The following CRY1 variants were observed in gnomAD, a reference collection of about 807,000 sequenced individuals.
The protein encoded by CRY1 is cryptochrome circadian regulator 1.
Under a neutral mutation model 76.0 loss-of-function variants are expected in CRY1, and 45 were observed. The ratio of observed to expected loss-of-function variants is 0.59; its 90% confidence interval spans 0.47 to 0.76. The LOEUF (loss-of-function observed/expected upper bound fraction) is 0.76, where lower values mean the gene tolerates loss of function less well. CRY1 is among the 30% of genes least tolerant of loss of function. The pLI, the probability that CRY1 is intolerant of heterozygous loss-of-function variation, is 0.00. For missense variants in CRY1, 587 were observed against 716.4 expected (o/e 0.82, Z 2.06); for synonymous variants, 248 against 244.0 (o/e 1.02, Z -0.15).
chr12:107,004,896 T>C (rs1163358608), intron 3 of CRY1, among the ~76,000 whole-genome samples: 4 of 152,208 alleles, frequency 2.6e-5, no homozygotes, highest in African/African-American at 4.8e-5. Context: ...ATTGGGTCAA[T>C]AGCAGCTAAA....
At chr12:106,994,289 T>C (rs1952210304) in intron 10 of CRY1, among the ~76,000 whole-genome samples, 1 of 152,200 alleles carries the variant, frequency 6.6e-6, no homozygotes. Context: ...AGGTCTAAAA[T>C]GTTTTTTTCC....
chr12:107,073,399 T>C (rs1362877985), intron 1 of CRY1, among the ~76,000 whole-genome samples: 1 of 152,044 alleles, frequency 6.6e-6, no homozygotes, highest in Non-Finnish European at 1.5e-5. Context: ...GTGCCTGGCC[T>C]AAAATATACT....
At chr12:107,068,238 T>C (rs1391428595) in intron 1 of CRY1, among the ~76,000 whole-genome samples, 8 of 152,320 alleles carry the variant, frequency 5.3e-5, no homozygotes, top group East Asian at 3.9e-4. Context: ...ATCTCTGATA[T>C]ATAGGGAAAC....
At chr12:107,086,462 A>G (rs1233323746) in intron 1 of CRY1, among the ~76,000 whole-genome samples, 2 of 152,172 alleles carry the variant, frequency 1.3e-5, no homozygotes, top group Non-Finnish European at 2.9e-5. Context: ...CATTCCAGAA[A>G]TCAAGGCTAC....
chr12:107,076,675 A>T (rs1194487775), intron 1 of CRY1, among the ~76,000 whole-genome samples: 1 of 151,944 alleles, frequency 6.6e-6, no homozygotes, highest in Non-Finnish European at 1.5e-5. Context: ...ATGTATCTTC[A>T]AGAAGCTGAT....
chr12:107,040,786 G>A (rs1952790003), intron 1 of CRY1, among the ~76,000 whole-genome samples: 2 of 152,042 alleles, frequency 1.3e-5, no homozygotes, highest in Non-Finnish European at 2.9e-5. Context: ...GTGATATTCT[G>A]TAACAAAAAA....
intron 3 of CRY1, among the ~76,000 whole-genome samples, chr12:107,004,106 A>G (rs942746954): frequency 6.6e-6 from 1 of 152,094 alleles, no homozygotes; most frequent in African/African-American, 2.4e-5. Context: ...CGCCTAGCCT[A>G]AACAATTTTA....
At chr12:107,030,939 G>T (rs1439812593) in intron 1 of CRY1, among the ~76,000 whole-genome samples, 2 of 152,044 alleles carry the variant, frequency 1.3e-5, no homozygotes, top group East Asian at 3.9e-4. Context: ...GGGGTTGGGG[G>T]TACCTGGGGA....
At chr12:107,079,820 T>TTACACAAGGATTTGAAAAA (rs1953301600) in intron 1 of CRY1, among the ~76,000 whole-genome samples, 1 of 152,156 alleles carries the variant, frequency 6.6e-6, no homozygotes, top group Non-Finnish European at 1.5e-5. Context: ...TTTGAAACCA[T>TTACACAAGGATTTGAAAAA]GCTATGGCTT....
chr12:107,032,354 T>C (rs1952686488), intron 1 of CRY1, among the ~76,000 whole-genome samples: 3 of 152,176 alleles, frequency 2.0e-5, no homozygotes, highest in South Asian at 4.1e-4. Flanking sequence ...TTTCTACAAA[T>C]CTAAAATTAT....
rs371893103 is a variant in CRY1 at position 107,077,125 on chromosome 12, A to G, written c.158+15679T>C. Among the ~76,000 whole-genome samples, 22 of 152,026 alleles carry G rather than the reference A, an allele frequency of 1.4e-4. No individual in the cohort carries two copies. The South Asian group carries it at 4.2e-3, about 29-fold the overall frequency. ...CTAGAATTCCTCCTCTCTCAGTCTC[A>G]TATCTCACACCCAGCACTCCCCAAC... On this transcript the variant is annotated intron_variant, in intron 1 of 12. Transcript: ENST00000008527.
chr12:107,024,983 T>C (rs996856424), intron 1 of CRY1, among the ~76,000 whole-genome samples: 4 of 152,208 alleles, frequency 2.6e-5, no homozygotes, highest in African/African-American at 9.6e-5. Context: ...AAGGCTAAAG[T>C]AGAACACACT....
At chr12:107,070,689 T>C (rs1295256879) in intron 1 of CRY1, among the ~76,000 whole-genome samples, 1 of 148,474 alleles carries the variant, frequency 6.7e-6, no homozygotes, top group Non-Finnish European at 1.5e-5. Flanking sequence ...TTTATTTATT[T>C]ATTTATTTAT....
chr12:107,038,535 T>C (rs1267690814), intron 1 of CRY1, among the ~76,000 whole-genome samples: 3 of 152,012 alleles, frequency 2.0e-5, no homozygotes, highest in Non-Finnish European at 2.9e-5. Flanking sequence ...GAAGCAAAGA[T>C]AGAAGACAGA....
In CRY1 at chr12:107,001,306, G is replaced by A. The variant is rs745345562; in HGVS notation, c.658C>T (p.Arg220Cys). 1.7e-5 allele frequency: 28 copies of A among 1,613,220 alleles called. No individual in the cohort carries two copies. The highest frequency in any genetic ancestry group is 2.1e-5 in the Non-Finnish European group (25 of 1,179,546). Reference sequence around the variant, plus strand: ...TTTCTTTCCAAATGCCTTTCCAAACGAGTAAGTGCTTCAGTTTCTCCACCT... The same window carrying A: ...TTTCTTTCCAAATGCCTTTCCAAACAAGTAAGTGCTTCAGTTTCTCCACCT... ...WPGGETEALT[R>C]LERHLERKAW... The change falls in exon 5 of 13, where the codon CGT (arginine) becomes TGT (cysteine). Residue 220 changes from arginine (R) to cysteine (C), a missense_variant. By Grantham distance (180) the Arg-to-Cys change is radical. Transcript: ENST00000008527.
intron 1 of CRY1, among the ~76,000 whole-genome samples, chr12:107,056,797 CA>C (rs923564821): frequency 1.3e-5 from 2 of 151,990 alleles, no homozygotes; most frequent in Non-Finnish European, 1.5e-5. Context: ...AAATTACATT[CA>C]AAGGAGAAAC....
chr12:107,046,796 T>C (rs1453668966), intron 1 of CRY1, among the ~76,000 whole-genome samples: 2 of 152,118 alleles, frequency 1.3e-5, no homozygotes, highest in Non-Finnish European at 2.9e-5. Context: ...CAAAAGCTCA[T>C]AATATAATGA....
At chr12:107,043,670 C>T (rs1214406546) in intron 1 of CRY1, among the ~76,000 whole-genome samples, 1 of 152,160 alleles carries the variant, frequency 6.6e-6, no homozygotes, top group Non-Finnish European at 1.5e-5. Flanking sequence ...TGCTGAGATA[C>T]CCATCTCCCT....
intron 12 of CRY1, chr12:106,992,434 T>C (rs1368318990): frequency 6.0e-6 from 1 of 166,280 alleles, no homozygotes; most frequent in Non-Finnish European, 1.3e-5. Context: ...AAAAAGATTA[T>C]ATTAATGTCA....
Sources: allele counts gnomAD v4.1 joint callset (sites outside exome capture counted in the v4.1 genomes callset), GRCh38; gene constraint gnomAD v4.1.1; transcripts MANE v1.5; gene names NCBI Gene and HGNC (gene_info 2026-07-23, HGNC 2026-07-21).